SUMF1: variants seen among roughly 807,000 people sequenced by gnomAD.
SUMF1 encodes the protein sulfatase modifying factor 1, also known as formylglycine-generating enzyme.
A neutral mutation model predicts 47.6 loss-of-function variants in SUMF1; 48 were observed. The ratio of observed to expected loss-of-function variants is 1.01; its 90% confidence interval spans 0.80 to 1.28. The LOEUF (loss-of-function observed/expected upper bound fraction) is 1.28, where lower values mean the gene tolerates loss of function less well. Among genes scored for constraint, SUMF1 ranks in the 50% most tolerant of loss-of-function variants. The pLI, the probability that SUMF1 is intolerant of heterozygous loss-of-function variation, is 0.00. For missense variants in SUMF1, 571 were observed against 485.4 expected, an observed-to-expected ratio of 1.18 and a Z score of -1.66; for synonymous variants, 230 against 192.1, an observed-to-expected ratio of 1.20 and a Z score of -1.63.
At chr3:4,112,552 A>G (rs1227920361) in intron 8 of SUMF1, among the ~76,000 whole-genome samples, 1 of 152,118 alleles carries the variant, frequency 6.6e-6, no homozygotes, top group African/African-American at 2.4e-5. Flanking sequence ...TTTCATAGAA[A>G]AGTATCTTGT....
At chr3:4,152,319 G>A (rs1233869979) in intron 8 of SUMF1, among the ~76,000 whole-genome samples, 5 of 151,394 alleles carry the variant, frequency 3.3e-5, no homozygotes, top group African/African-American at 9.8e-5. Flanking sequence ...ACAGGGTCTC[G>A]CTCTGTTGCC....
At chr3:4,052,735 C>A (rs1695134816) in intron 9 of SUMF1, among the ~76,000 whole-genome samples, 1 of 152,110 alleles carries the variant, frequency 6.6e-6, no homozygotes, top group Admixed American at 6.6e-5. Flanking sequence ...ACAGGTATAC[C>A]TTGGACATAT....
intron 8 of SUMF1, among the ~76,000 whole-genome samples, chr3:4,191,442 G>A (rs113985577): frequency 1.8e-4 from 27 of 152,078 alleles, no homozygotes; most frequent in Non-Finnish European, 3.2e-4. Flanking sequence ...TGCTGGCCAC[G>A]ACAAAAAGTT....
intron 9 of SUMF1, among the ~76,000 whole-genome samples, chr3:4,049,783 C>G (rs904212332): frequency 6.6e-6 from 1 of 152,130 alleles, no homozygotes; most frequent in African/African-American, 2.4e-5. Flanking sequence ...AGTGTGACAG[C>G]TTTCTGTACC....
Position 4,432,395 on chromosome 3 carries a change from C to A in SUMF1, c.520-12249G>T, listed in dbSNP as rs73807204. On this transcript the variant is annotated intron_variant, in intron 3 of 8. Coordinates refer to ENST00000272902, the MANE Select transcript of SUMF1 (RefSeq NM_182760.4). ...AAACCCCATACAGAACCAGAGTGGT[C>A]TCTTTAAAATGTTAATTAGATCCAA... Among the ~76,000 whole-genome samples, 839 of 152,242 alleles carry A rather than the reference C, an allele frequency of 5.5e-3. 6 individuals are homozygous for A. Among genetic ancestry groups the A allele is most frequent in the African/African-American group, 0.019 (802 of 41,532 alleles).
At chr3:4,464,376 T>A (rs2079886882) in intron 1 of SUMF1, among the ~76,000 whole-genome samples, 1 of 151,976 alleles carries the variant, frequency 6.6e-6, no homozygotes, top group African/African-American at 2.4e-5. Context: ...ATTCTCACTA[T>A]AGAAAAATGA....
At chr3:4,456,350 AC>A (rs1465624493) in intron 1 of SUMF1, among the ~76,000 whole-genome samples, 1 of 152,102 alleles carries the variant, frequency 6.6e-6, no homozygotes, top group African/African-American at 2.4e-5. Flanking sequence ...GTAATACCGG[AC>A]ATACTAGACA....
intron 8 of SUMF1, among the ~76,000 whole-genome samples, chr3:4,326,519 A>G (rs1321340482): frequency 2.2e-5 from 2 of 92,812 alleles, no homozygotes; most frequent in South Asian, 2.9e-4. Flanking sequence ...AGTTTTTCCA[A>G]GGGTTTTTTT....
rs554788226 is a variant in SUMF1 at position 4,405,541 on chromosome 3, C to A, written c.954+5324G>T. Reference sequence around the variant, plus strand: ...AGCTGGGACTACAGGCATGTGCCACCATGCCCAGCTAACTTTTTGTGTTTT... The same window carrying A: ...AGCTGGGACTACAGGCATGTGCCACAATGCCCAGCTAACTTTTTGTGTTTT... On this transcript the variant is annotated intron_variant, in intron 7 of 8. Transcript: ENST00000272902. 2.6e-4 allele frequency among the ~76,000 whole-genome samples: 40 copies of A among 152,226 alleles called. 1 individual carries two copies. The South Asian group carries it at 5.2e-3, about 20-fold the overall frequency.
At chr3:4,105,612 A>C (rs1693139986) in intron 8 of SUMF1, among the ~76,000 whole-genome samples, 1 of 152,128 alleles carries the variant, frequency 6.6e-6, no homozygotes, top group African/African-American at 2.4e-5. Flanking sequence ...TGACAGAAAT[A>C]GGAATATTAT....
At chr3:4,328,333 CAAAAT>C (rs1698986302) in intron 8 of SUMF1, among the ~76,000 whole-genome samples, 1 of 152,056 alleles carries the variant, frequency 6.6e-6, no homozygotes, top group Admixed American at 6.5e-5. Context: ...ACAATACAAT[CAAAAT>C]AAGATAGCGT....
At chr3:4,351,867 T>C (rs1699509285) in intron 8 of SUMF1, among the ~76,000 whole-genome samples, 1 of 152,252 alleles carries the variant, frequency 6.6e-6, no homozygotes, top group Non-Finnish European at 1.5e-5. Flanking sequence ...CTATACTGAC[T>C]GCTTTAACCC....
intron 7 of SUMF1, among the ~76,000 whole-genome samples, chr3:4,391,780 G>A (rs949144948): frequency 6.6e-6 from 1 of 151,814 alleles, no homozygotes; most frequent in East Asian, 1.9e-4. Context: ...ACCATGCCCA[G>A]CCCTCTCTGC....
intron 8 of SUMF1, among the ~76,000 whole-genome samples, chr3:4,172,702 G>C (rs201643819): frequency 6.7e-6 from 1 of 149,912 alleles, no homozygotes; most frequent in Non-Finnish European, 1.5e-5. Flanking sequence ...TGTTTTTTTT[G>C]TTTTTTGGGG....
intron 8 of SUMF1, among the ~76,000 whole-genome samples, chr3:4,168,406 G>A (rs1417500509): frequency 6.6e-6 from 1 of 152,176 alleles, no homozygotes; most frequent in African/African-American, 2.4e-5. Flanking sequence ...AATGTGATGA[G>A]AGATGAACAG....
chr3:4,140,550 G>A (rs900146550), intron 8 of SUMF1, among the ~76,000 whole-genome samples: 4 of 151,914 alleles, frequency 2.6e-5, no homozygotes, highest in Non-Finnish European at 5.9e-5. Flanking sequence ...GAAATAAAGA[G>A]GAAACATTTG....
intron 8 of SUMF1, among the ~76,000 whole-genome samples, chr3:4,168,692 T>C (rs942932602): frequency 6.6e-6 from 1 of 152,206 alleles, no homozygotes; most frequent in Non-Finnish European, 1.5e-5. Flanking sequence ...CTGGTAATTA[T>C]ATTGAGCAAG....
chr3:4,096,309 G>C (rs943417514), intron 8 of SUMF1, among the ~76,000 whole-genome samples: 14 of 151,974 alleles, frequency 9.2e-5, no homozygotes, highest in African/African-American at 3.4e-4. Context: ...CATATCTAAG[G>C]GTCTTTCTCC....
chr3:4,309,647 C>T (rs1449945274), intron 8 of SUMF1, among the ~76,000 whole-genome samples: 1 of 152,180 alleles, frequency 6.6e-6, no homozygotes, highest in African/African-American at 2.4e-5. Context: ...CCCTGCTTCC[C>T]ATTTCTGTGG....
Sources: allele counts gnomAD v4.1 joint callset (sites outside exome capture counted in the v4.1 genomes callset), GRCh38; gene constraint gnomAD v4.1.1; transcripts MANE v1.5; gene names NCBI Gene and HGNC (gene_info 2026-07-23, HGNC 2026-07-21).